The following DRAM2 variants were observed in gnomAD, a reference collection of about 807,000 sequenced individuals.
DRAM2 encodes DNA damage-regulated autophagy modulator protein 2.
Under a neutral mutation model 33.5 loss-of-function variants are expected in DRAM2, and 26 were observed. The ratio of observed to expected loss-of-function variants is 0.78; its 90% CI spans 0.57 to 1.08. The LOEUF (loss-of-function observed/expected upper bound fraction) is 1.08, where lower values mean the gene tolerates loss of function less well. DRAM2 is among the 50% of genes least tolerant of loss of function. The pLI, the probability that DRAM2 is intolerant of heterozygous loss-of-function variation, is 0.00. For missense variants in DRAM2, 311 were observed against 318.1 expected (o/e 0.98, Z 0.17); for synonymous variants, 98 against 109.5 (o/e 0.89, Z 0.66).
intron 4 of DRAM2, among the ~76,000 whole-genome samples, 174 bp downstream of exon 4, chr1:111,131,250 A>T (rs1571054984): frequency 6.6e-6 from 1 of 152,188 alleles, no homozygotes; most frequent in Non-Finnish European, 1.5e-5. Flanking sequence ...CTGTCTCTAC[A>T]TTTCTCTATC....
intron 4 of DRAM2, 32 bp from the exon 5 acceptor site, chr1:111,126,326 C>A: frequency 7.5e-7 from 1 of 1,326,872 alleles, no homozygotes; most frequent in Non-Finnish European, 1.1e-6. Flanking sequence ...ATGTGGATTT[C>A]TCATACTAGA....
chr1:111,120,411 AAAAAAAAAGAC>A, intron 7 of DRAM2, 94 bp downstream of exon 7: 1 of 384,194 alleles, frequency 2.6e-6, no homozygotes, highest in Non-Finnish European at 3.9e-6. Flanking sequence ...AAAAAAAAAA[AAAAAAAAAGAC>A]AAAAAGGCTT....
intron 6 of DRAM2, among the ~76,000 whole-genome samples, chr1:111,124,235 T>C (rs559827338): frequency 6.6e-6 from 1 of 152,336 alleles, no homozygotes; most frequent in South Asian, 2.1e-4. Flanking sequence ...ATTAAGTATT[T>C]GACATTATTT....
intron 5 of DRAM2, among the ~76,000 whole-genome samples, 197 bp from the exon 6 acceptor site, chr1:111,125,078 T>G (rs566435916): frequency 3.9e-5 from 6 of 152,076 alleles, no homozygotes; most frequent in Non-Finnish European, 8.8e-5. Context: ...GGTCTCTCTA[T>G]GTTGCACAGG....
At chr1:111,123,688 C>CA (rs1215272534) in intron 6 of DRAM2, among the ~76,000 whole-genome samples, 20 of 152,086 alleles carry the variant, frequency 1.3e-4, no homozygotes, top group Non-Finnish European at 2.8e-4. Context: ...GGCCTAATGG[C>CA]AGGTGTCTGG....
intron 4 of DRAM2, 68 bp downstream of exon 4, chr1:111,131,356 T>C (rs1652031346): frequency 6.9e-7 from 1 of 1,440,916 alleles, no homozygotes; most frequent in Non-Finnish European, 9.4e-7. Flanking sequence ...ACATTAAATG[T>C]TGACTTCAAT....
chr1:111,124,741 C>G lies in DRAM2; in HGVS notation c.339+1G>C. On this transcript the variant is annotated splice_donor_variant, in intron 6 of 9. Coordinates refer to ENST00000484310, the MANE Select transcript of DRAM2 (RefSeq NM_001349884.2). LOFTEE classifies it high-confidence loss of function. Reference sequence around the variant, plus strand: ...TACCTATGCTGGGCTAAAACACAAACCTGGAAGTTTGCCACAATAGAAAGT... The same window carrying G: ...TACCTATGCTGGGCTAAAACACAAAGCTGGAAGTTTGCCACAATAGAAAGT... 2 of 1,612,994 alleles carry G rather than the reference C, an allele frequency of 1.2e-6. No individual in the cohort carries two copies. The highest frequency in any genetic ancestry group is 1.7e-6 in the Non-Finnish European group (2 of 1,179,498).
Position 111,118,103 on chromosome 1 carries a change from G to T in DRAM2, c.*57C>A. ...TCAGAGAAGAATAAGCAACTTCTGT[G>T]AACCTTTCCCCAATCCCTGAGAATC... On this transcript the variant is annotated 3_prime_UTR_variant, in exon 10 of 10. Coordinates refer to ENST00000484310, the MANE Select transcript of DRAM2 (RefSeq NM_001349884.2). The T allele has an allele frequency of 1.3e-6, 2 of 1,548,166 alleles. No individual in the cohort carries two copies. The highest frequency in any genetic ancestry group is 1.8e-6 in the Non-Finnish European group (2 of 1,121,402).
rs778252950 is a variant in DRAM2, at chr1:111,120,607, A to G, written c.426T>C (p.Leu142=). The part of the protein sequence containing the change: ...GSLYMFVQTI[L]SYQMQPKIHG... ...GGATTTTGGGCTGCATTTGGTAGGAAAGGATGGTCTGAACAAACATATATA... is the reference window on the plus strand; with the variant it reads ...GGATTTTGGGCTGCATTTGGTAGGAGAGGATGGTCTGAACAAACATATATA... The change falls in exon 7 of 10, where the codon CTT becomes CTC. Residue 142 remains leucine, a synonymous_variant. Coordinates refer to ENST00000484310, the MANE Select transcript of DRAM2 (RefSeq NM_001349884.2). 8 of 1,612,172 alleles carry G rather than the reference A, an allele frequency of 5.0e-6. No homozygotes were observed. In the South Asian group the frequency reaches 6.6e-5, roughly 13 times the overall value.
In DRAM2 at chr1:111,131,414, T is replaced by C. The variant is rs1171201949; in HGVS notation, c.131+10A>G. The C allele has an allele frequency of 1.9e-6, 3 of 1,610,442 alleles. No homozygotes were observed. In the East Asian group the frequency reaches 6.7e-5, roughly 36 times the overall value. On this transcript the variant is annotated intron_variant, in intron 4 of 9. Transcript: ENST00000484310. ...AAGAGTCTCCTATACAAAGAATACA[T>C]TTCACTTACCTGATATAAGGTAAAG...
intron 6 of DRAM2, among the ~76,000 whole-genome samples, chr1:111,121,182 G>A (rs2101021989): frequency 6.6e-6 from 1 of 152,138 alleles, no homozygotes; most frequent in South Asian, 2.1e-4. Flanking sequence ...TGCAGTGCTG[G>A]GAATAGGGAG....
At chr1:111,133,313 G>C (rs1652502895) in intron 3 of DRAM2, among the ~76,000 whole-genome samples, 1 of 151,928 alleles carries the variant, frequency 6.6e-6, no homozygotes, top group Admixed American at 6.6e-5. Flanking sequence ...GAGTAGCTGG[G>C]ATTACAGGCA....
At chr1:111,125,803 T>C (rs1174688819) in intron 5 of DRAM2, among the ~76,000 whole-genome samples, 8 of 152,226 alleles carry the variant, frequency 5.3e-5, no homozygotes, top group Admixed American at 3.3e-4. Context: ...CCTTTAGCAT[T>C]AGAATGTTGC....
chr1:111,119,987 C>G lies in DRAM2; in HGVS notation c.518-28G>C, dbSNP rs1378045262. ...ATAAAAACATAAGTCAAGGAAGAAT[C>G]TCAGAGACGATCTCAGAGAACAAAA... On this transcript the variant is annotated intron_variant, in intron 7 of 9. Transcript: ENST00000484310. The G allele has an allele frequency of 6.3e-6, 10 of 1,581,098 alleles. 2 individuals are homozygous for G. The South Asian group carries it at 1.1e-4, about 18-fold the overall frequency.
rs1352704676 is a variant in DRAM2, at chr1:111,123,301, C to A, written c.339+1441G>T. Among the ~76,000 whole-genome samples the A allele has an allele frequency of 2.0e-5, 3 of 152,046 alleles. No individual in the cohort carries two copies. In the East Asian group the frequency reaches 5.8e-4, roughly 29 times the overall value. On this transcript the variant is annotated intron_variant, in intron 6 of 9. Transcript: ENST00000484310. ...GTCCATTTTTTCTGACCTGTGCACA[C>A]CCGCTGCACCCCCATATCTAGCAAA... is the stretch of plus-strand genomic sequence containing the variant.
intron 7 of DRAM2, among the ~76,000 whole-genome samples, 197 bp downstream of exon 7, chr1:111,120,319 C>CA (rs1031644588): frequency 3.9e-5 from 5 of 126,962 alleles, no homozygotes; most frequent in Admixed American, 9.7e-5. Context: ...GCACTATGTA[C>CA]AATCTGAATT....
At position 111,117,417 on chromosome 1, in the gene DRAM2, A is replaced by G. The variant is rs1157505817; in HGVS notation, c.*743T>C. ...GAATACTAACCCTTGTTTTATATAA[A>G]ATATGACTAAAGTAAATTTACCTAC... On this transcript the variant is annotated 3_prime_UTR_variant, in exon 10 of 10. Transcript: ENST00000484310. 6.6e-6 allele frequency: 1 copy of G among 152,118 alleles called. No individual in the cohort carries two copies. Among genetic ancestry groups the G allele is most frequent in the African/African-American group, 2.4e-5 (1 of 41,454 alleles). 9.4% of individuals were successfully genotyped at this position (152,118 alleles called of 1,614,324 possible). A position where few individuals can be genotyped will look rare whatever the true frequency, so the allele number is the denominator to read the frequency against.
At chr1:111,131,089 CATT>C (rs902264141) in intron 4 of DRAM2, among the ~76,000 whole-genome samples, 19 of 151,972 alleles carry the variant, frequency 1.3e-4, no homozygotes, top group African/African-American at 3.6e-4. Flanking sequence ...CTTTTCATAT[CATT>C]ATTATTGTTT....
chr1:111,121,465 TTTA>T (rs1650038890), intron 6 of DRAM2, among the ~76,000 whole-genome samples: 1 of 152,122 alleles, frequency 6.6e-6, no homozygotes, highest in African/African-American at 2.4e-5. Context: ...AGTTTGATAT[TTTA>T]TTATGGCAGC....
Sources: allele counts gnomAD v4.1 joint callset (sites outside exome capture counted in the v4.1 genomes callset), GRCh38; gene constraint gnomAD v4.1.1; transcripts MANE v1.5; gene names NCBI Gene and HGNC (gene_info 2026-07-23, HGNC 2026-07-21).